CNTNAP2: variants seen among roughly 807,000 people sequenced by gnomAD.
CNTNAP2 encodes the protein contactin associated protein 2.
CNTNAP2 carries 98 observed loss-of-function variants against 155.2 expected under a neutral mutation model. That is an observed-to-expected ratio of 0.63 (90% CI 0.54 to 0.75). The LOEUF is 0.75. CNTNAP2 is among the 30% of genes least tolerant of loss of function. The probability of loss-of-function intolerance (pLI) is 0.00; values close to 1 mark genes in which losing one functional copy is unlikely to be tolerated. For synonymous variants in CNTNAP2, 651 were observed against 631.2 expected, an observed-to-expected ratio of 1.03 and a Z score of -0.47; for missense variants, 1,727 against 1,688.1, an observed-to-expected ratio of 1.02 and a Z score of -0.40.
intron 1 of CNTNAP2, among the ~76,000 whole-genome samples, chr7:146,312,215 A>G (rs772958268): frequency 6.6e-6 from 1 of 152,178 alleles, no homozygotes; most frequent in Non-Finnish European, 1.5e-5. Flanking sequence ...ATTTTCTAAC[A>G]TCAATTTACT....
intron 1 of CNTNAP2, among the ~76,000 whole-genome samples, chr7:146,497,585 A>C (rs1360868812): frequency 6.6e-6 from 1 of 151,834 alleles, no homozygotes; most frequent in Non-Finnish European, 1.5e-5. Context: ...ATCCATATTC[A>C]TTCTATACTT....
At chr7:147,589,947 C>G (rs908167930) in intron 12 of CNTNAP2, among the ~76,000 whole-genome samples, 3 of 152,144 alleles carry the variant, frequency 2.0e-5, no homozygotes, top group Non-Finnish European at 2.9e-5. Flanking sequence ...CTGGCTTTTA[C>G]TGTAGAGGGC....
chr7:148,100,208 C>A (rs1169719494), intron 15 of CNTNAP2, among the ~76,000 whole-genome samples: 2 of 151,934 alleles, frequency 1.3e-5, no homozygotes, highest in African/African-American at 4.8e-5. Flanking sequence ...GGACTCTTGT[C>A]TTTCCTTCTC....
chr7:147,415,067 C>T (rs893159053), intron 10 of CNTNAP2, among the ~76,000 whole-genome samples: 1 of 151,720 alleles, frequency 6.6e-6, no homozygotes, highest in Non-Finnish European at 1.5e-5. Context: ...CACCAGAACA[C>T]AATGTTCTAG....
At chr7:146,216,732 A>G (rs1799120147) in intron 1 of CNTNAP2, among the ~76,000 whole-genome samples, 1 of 152,226 alleles carries the variant, frequency 6.6e-6, no homozygotes, top group East Asian at 1.9e-4. Context: ...CTCTGGAGAA[A>G]ACACATGAAA....
intron 3 of CNTNAP2, among the ~76,000 whole-genome samples, chr7:147,024,125 A>G (rs989288630): frequency 2.6e-5 from 4 of 152,224 alleles, no homozygotes; most frequent in Non-Finnish European, 5.9e-5. Flanking sequence ...TTGGCCCATC[A>G]GTGGCAAGAA....
At chr7:148,162,490 C>T (rs1805567324) in intron 17 of CNTNAP2, among the ~76,000 whole-genome samples, 1 of 152,218 alleles carries the variant, frequency 6.6e-6, no homozygotes, top group South Asian at 2.1e-4. Flanking sequence ...TATCCATCAT[C>T]CACCATTTTA....
chr7:146,917,217 T>G (rs1391765495), intron 3 of CNTNAP2, among the ~76,000 whole-genome samples: 1 of 151,586 alleles, frequency 6.6e-6, no homozygotes, highest in Non-Finnish European at 1.5e-5. Flanking sequence ...TAAATTTGAT[T>G]TGTGTCTTAT....
At chr7:147,602,068 C>G (rs1044408549) in intron 12 of CNTNAP2, among the ~76,000 whole-genome samples, 3 of 151,914 alleles carry the variant, frequency 2.0e-5, no homozygotes, top group African/African-American at 7.2e-5. Context: ...TCAAGAGGTC[C>G]AAATGTCTAC....
chr7:147,908,415 G>A (rs1215391257), intron 14 of CNTNAP2, among the ~76,000 whole-genome samples: 4 of 152,166 alleles, frequency 2.6e-5, no homozygotes, highest in Non-Finnish European at 5.9e-5. Context: ...GTCAGTAGGG[G>A]AAAATCAGAT....
intron 3 of CNTNAP2, among the ~76,000 whole-genome samples, chr7:146,896,674 G>A (rs1585144190): frequency 1.3e-5 from 2 of 151,840 alleles, no homozygotes; most frequent in Admixed American, 6.6e-5. Flanking sequence ...CTTTTGCACC[G>A]ACCTAATAGA....
At chr7:146,480,482 C>T (rs1017764509) in intron 1 of CNTNAP2, among the ~76,000 whole-genome samples, 5 of 151,394 alleles carry the variant, frequency 3.3e-5, no homozygotes, top group Non-Finnish European at 5.9e-5. Context: ...ATTCTGGACC[C>T]TTGAAGAACA....
chr7:147,139,732 C>G (rs1801557460), intron 8 of CNTNAP2, among the ~76,000 whole-genome samples: 1 of 152,066 alleles, frequency 6.6e-6, no homozygotes, highest in Non-Finnish European at 1.5e-5. Flanking sequence ...CTGTGAGCCT[C>G]TGAAAGTGAC....
intron 20 of CNTNAP2, among the ~76,000 whole-genome samples, chr7:148,261,687 T>C (rs1796565035): frequency 6.6e-6 from 1 of 151,928 alleles, no homozygotes; most frequent in Non-Finnish European, 1.5e-5. Flanking sequence ...GCAATAGCAA[T>C]GGCGGTGGGG....
At chr7:148,305,350 G>A (rs546296268) in intron 21 of CNTNAP2, among the ~76,000 whole-genome samples, 122 of 150,622 alleles carry the variant, frequency 8.1e-4, no homozygotes, top group African/African-American at 2.8e-3. Flanking sequence ...TGAAACTCAA[G>A]CTCTCTCTCA....
chr7:147,102,773 T>A (rs1267169476), intron 4 of CNTNAP2, among the ~76,000 whole-genome samples: 3 of 152,150 alleles, frequency 2.0e-5, no homozygotes, highest in Non-Finnish European at 1.5e-5. Context: ...ATATCATAGA[T>A]ACATTGAAAA....
intron 3 of CNTNAP2, among the ~76,000 whole-genome samples, chr7:147,002,312 G>T (rs1017770570): frequency 1.3e-5 from 2 of 151,986 alleles, no homozygotes; most frequent in Non-Finnish European, 2.9e-5. Flanking sequence ...TTCCTGTGGG[G>T]ACAAAAACAA....
At chr7:146,993,772 T>C (rs2129239316) in intron 3 of CNTNAP2, among the ~76,000 whole-genome samples, 1 of 152,302 alleles carries the variant, frequency 6.6e-6, no homozygotes, top group East Asian at 1.9e-4. Context: ...ATTAAAGTGG[T>C]GTAAAAATAG....
intron 1 of CNTNAP2, among the ~76,000 whole-genome samples, chr7:146,490,379 G>A (rs1262623713): frequency 6.6e-6 from 1 of 152,122 alleles, no homozygotes; most frequent in Non-Finnish European, 1.5e-5. Context: ...TGTATACTAT[G>A]CTAAGTATTG....
Sources: gnomAD v4.1 joint callset for allele counts (sites outside exome capture counted in the v4.1 genomes callset) on GRCh38, gnomAD v4.1.1 for gene constraint, MANE v1.5 for transcripts, NCBI Gene and HGNC (gene_info 2026-07-23, HGNC 2026-07-21) for gene names.